Variants in GRM8 observed in about 807,000 individuals in gnomAD.
GRM8 encodes the protein glutamate metabotropic receptor 8, also known as metabotropic glutamate receptor 8.
Under a neutral mutation model 87.2 loss-of-function variants are expected in GRM8, and 47 were observed. The observed-to-expected ratio is 0.54, with a 90% CI of 0.43 to 0.69. The LOEUF is 0.69. GRM8 is among the 30% of genes least tolerant of loss of function. GRM8 has a pLI of 0.00. For synonymous variants in GRM8, 396 were observed against 404.5 expected (o/e 0.98, Z 0.25); for missense variants, 1,019 against 1,139.2 (o/e 0.89, Z 1.52).
chr7:127,168,462 G>T (rs549564809), intron 2 of GRM8, among the ~76,000 whole-genome samples: 5 of 152,248 alleles, frequency 3.3e-5, no homozygotes, highest in African/African-American at 1.2e-4. Context: ...TAAGGATCTA[G>T]AAGTAGAAAT....
At chr7:126,536,051 G>C (rs1815666466) in intron 8 of GRM8, among the ~76,000 whole-genome samples, 1 of 152,198 alleles carries the variant, frequency 6.6e-6, no homozygotes. Flanking sequence ...ACATTTTGGA[G>C]TTATTTGTTC....
At chr7:126,661,576 A>G (rs566977798) in intron 7 of GRM8, among the ~76,000 whole-genome samples, 5 of 152,312 alleles carry the variant, frequency 3.3e-5, no homozygotes, top group Non-Finnish European at 7.3e-5. Flanking sequence ...ATTGGTGATC[A>G]TGAGGAGCAA....
intron 6 of GRM8, among the ~76,000 whole-genome samples, chr7:126,889,494 C>T (rs2131069706): frequency 6.6e-6 from 1 of 152,152 alleles, no homozygotes; most frequent in African/African-American, 2.4e-5. Flanking sequence ...TAGCACACCC[C>T]CACCATCTGT....
intron 8 of GRM8, among the ~76,000 whole-genome samples, chr7:126,596,714 T>A (rs1413016715): frequency 2.0e-5 from 3 of 152,132 alleles, no homozygotes; most frequent in Admixed American, 2.0e-4. Context: ...GAGAGCTAAA[T>A]ACATAGTATA....
At chr7:127,143,368 T>G (rs1171553000) in intron 2 of GRM8, among the ~76,000 whole-genome samples, 1 of 152,156 alleles carries the variant, frequency 6.6e-6, no homozygotes, top group Non-Finnish European at 1.5e-5. Context: ...CACATCTACC[T>G]CTGTTGTTAC....
intron 3 of GRM8, among the ~76,000 whole-genome samples, chr7:127,051,642 T>TG (rs142615485): frequency 0.081 from 12,066 of 149,292 alleles, 517 homozygotes; most frequent in South Asian, 0.13. Flanking sequence ...TAACAAATTG[T>TG]GACATATTTG....
intron 3 of GRM8, among the ~76,000 whole-genome samples, chr7:127,019,188 C>T (rs995651431): frequency 6.6e-6 from 1 of 152,046 alleles, no homozygotes; most frequent in Non-Finnish European, 1.5e-5. Flanking sequence ...GAATGTGTTA[C>T]CTTATTTAGG....
intron 3 of GRM8, among the ~76,000 whole-genome samples, chr7:127,015,072 A>AAGAAGAAGAAAGAAAGAAGGAG (rs757484218): frequency 9.6e-6 from 1 of 103,796 alleles, no homozygotes. Context: ...AAGAAGAAAG[A>AAGAAGAAGAAAGAAAGAAGGAG]AAGAAGGAGA....
Position 126,903,987 on chromosome 7 carries a change from GT to G in GRM8, c.1002del (p.Lys334AsnfsTer38). The G allele has an allele frequency of 6.5e-7, 1 of 1,545,458 alleles. No individual in the cohort carries two copies. The highest frequency in any genetic ancestry group is 8.9e-7 in the Non-Finnish European group (1 of 1,121,076). ...IAEGAVTILP[K>X]RASIDGFDRY... ...GCATTCTTACCATCAATTGATGCTC[GT>G]TTGGGCAAAATTGTCACAGCCCCTT... On this transcript the variant is annotated frameshift_variant, in exon 5 of 11. Coordinates refer to ENST00000339582, the MANE Select transcript of GRM8 (RefSeq NM_000845.3). LOFTEE classifies it high-confidence loss of function.
chr7:126,659,322 T>C (rs1288688824), intron 7 of GRM8, among the ~76,000 whole-genome samples: 1 of 152,202 alleles, frequency 6.6e-6, no homozygotes, highest in African/African-American at 2.4e-5. Context: ...TGTTAAATAA[T>C]AATGTGTACG....
In GRM8 at chr7:126,446,191, T is replaced by A. The variant is rs768109309; in HGVS notation, c.2612A>T (p.Gln871Leu). 1.4e-5 allele frequency: 22 copies of A among 1,613,042 alleles called. No homozygotes were observed. Among genetic ancestry groups the A allele is most frequent in the East Asian group, 6.7e-5 (3 of 44,820 alleles). ...GCCATTTGGTCTGTCATTTCCTTTT[T>A]GGATCAGTTTGCTTTGCATGGTGGC... ...TAATMQSKLI[Q>L]KGNDRPNGEV... Residue 871 changes from glutamine to leucine, a missense_variant, in exon 10 of 11, where the codon CAA becomes CTA. Transcript: ENST00000339582.
At chr7:126,982,346 T>C (rs2131866420) in intron 3 of GRM8, among the ~76,000 whole-genome samples, 1 of 152,314 alleles carries the variant, frequency 6.6e-6, no homozygotes, top group Non-Finnish European at 1.5e-5. Context: ...ACACCCAGGA[T>C]CAATACTTTG....
At chr7:126,714,830 A>G (rs1025490279) in intron 7 of GRM8, among the ~76,000 whole-genome samples, 19 of 152,148 alleles carry the variant, frequency 1.2e-4, no homozygotes, top group African/African-American at 4.3e-4. Context: ...ATATGTGTAT[A>G]TATATATATA....
chr7:126,667,084 C>T (rs773159876), intron 7 of GRM8, among the ~76,000 whole-genome samples: 22 of 152,062 alleles, frequency 1.4e-4, no homozygotes, highest in Non-Finnish European at 2.6e-4. Flanking sequence ...ACAGATAACA[C>T]AAAAATAGCA....
At chr7:126,468,928 T>C (rs1584717939) in intron 9 of GRM8, among the ~76,000 whole-genome samples, 1 of 152,150 alleles carries the variant, frequency 6.6e-6, no homozygotes, top group African/African-American at 2.4e-5. Context: ...TCTCTTAACT[T>C]TTATTTGATA....
chr7:126,447,726 G>T (rs751322081), intron 9 of GRM8, among the ~76,000 whole-genome samples: 9 of 151,988 alleles, frequency 5.9e-5, no homozygotes, highest in Admixed American at 2.6e-4. Context: ...AAAACCTTGC[G>T]GTAAAGAACT....
chr7:126,668,158 G>A (rs1805988836), intron 7 of GRM8, among the ~76,000 whole-genome samples: 1 of 152,054 alleles, frequency 6.6e-6, no homozygotes, highest in Non-Finnish European at 1.5e-5. Flanking sequence ...GTGCTCTAGC[G>A]GGGATTCTGG....
chr7:127,161,630 C>T (rs866824076), intron 2 of GRM8, among the ~76,000 whole-genome samples: 12 of 146,394 alleles, frequency 8.2e-5, no homozygotes, highest in African/African-American at 1.3e-4. Flanking sequence ...CAAACATGAA[C>T]GATGATATCT....
intron 3 of GRM8, among the ~76,000 whole-genome samples, chr7:127,057,035 T>A (rs1334751763): frequency 6.6e-6 from 1 of 152,018 alleles, no homozygotes; most frequent in African/African-American, 2.4e-5. Context: ...AAGCTACATA[T>A]GAGTGAAAAA....
Sources: allele counts gnomAD v4.1 joint callset (sites outside exome capture counted in the v4.1 genomes callset), GRCh38; gene constraint gnomAD v4.1.1; transcripts MANE v1.5; gene names NCBI Gene and HGNC (gene_info 2026-07-23, HGNC 2026-07-21).